Variants in MYO1H observed in about 807,000 individuals in gnomAD.
MYO1H encodes unconventional myosin-Ih.
A neutral mutation model predicts 149.3 loss-of-function variants in MYO1H; 118 were observed. The ratio of observed to expected loss-of-function variants is 0.79; its 90% CI spans 0.68 to 0.92. MYO1H has a LOEUF of 0.92. Ranked by LOEUF, MYO1H falls within the 40% of genes least tolerant of loss-of-function variation. The pLI is 0.00. For synonymous variants in MYO1H, 447 were observed against 465.2 expected, an observed-to-expected ratio of 0.96 and a Z score of 0.50; for missense variants, 1,212 against 1,280.7, an observed-to-expected ratio of 0.95 and a Z score of 0.82.
intron 24 of MYO1H, among the ~76,000 whole-genome samples, chr12:109,440,031 AG>A (rs1872047715): frequency 6.6e-6 from 1 of 151,272 alleles, no homozygotes; most frequent in South Asian, 2.1e-4. Flanking sequence ...TTGTTTAAAC[AG>A]AGCACTTTTT....
chr12:109,441,529 G>C (rs1872127387), intron 25 of MYO1H, 86 bp from the exon 26 acceptor site: 1 of 799,950 alleles, frequency 1.3e-6, no homozygotes. Context: ...ATCCAGCAAA[G>C]GATGTGACCT....
intron 1 of MYO1H, among the ~76,000 whole-genome samples, chr12:109,367,392 C>T (rs1202555204): frequency 6.6e-6 from 1 of 152,130 alleles, no homozygotes; most frequent in Non-Finnish European, 1.5e-5. Flanking sequence ...TCAGGGAATG[C>T]TTCCATCTCC....
intron 3 of MYO1H, among the ~76,000 whole-genome samples, chr12:109,394,378 G>T (rs1869802912): frequency 6.6e-6 from 1 of 152,184 alleles, no homozygotes; most frequent in Non-Finnish European, 1.5e-5. Flanking sequence ...AGTTTCTAGA[G>T]CCATTTCACA....
chr12:109,380,993 TAGAATC>T (rs1160659263), intron 1 of MYO1H, among the ~76,000 whole-genome samples: 2 of 152,116 alleles, frequency 1.3e-5, no homozygotes, highest in Admixed American at 1.3e-4. Flanking sequence ...ATTAAATTGA[TAGAATC>T]AGAATAAACT....
chr12:109,346,959 A>G (rs2048104545), upstream of MYO1H, among the ~76,000 whole-genome samples: 1 of 152,174 alleles, frequency 6.6e-6, no homozygotes, highest in African/African-American at 2.4e-5. Context: ...GTGTCCAAAG[A>G]ATTATTAGCA....
chr12:109,388,560 G>A (rs1471973335), intron 1 of MYO1H, 123 bp from the exon 2 acceptor site: 4 of 820,382 alleles, frequency 4.9e-6, no homozygotes, highest in Admixed American at 6.3e-5. Context: ...AAGTGAAGAC[G>A]GCATAATTTA....
At chr12:109,373,322 T>G (rs1869025197) in intron 1 of MYO1H, among the ~76,000 whole-genome samples, 1 of 152,150 alleles carries the variant, frequency 6.6e-6, no homozygotes, top group Non-Finnish European at 1.5e-5. Context: ...TGCTAGCTTT[T>G]GAGACATAGC....
intron 24 of MYO1H, chr12:109,440,533 C>A: frequency 1.9e-6 from 1 of 536,154 alleles, no homozygotes; most frequent in Non-Finnish European, 3.4e-6. Context: ...GAGTCATAAA[C>A]ATATTCAAGT....
intron 18 of MYO1H, among the ~76,000 whole-genome samples, chr12:109,427,101 A>G (rs1027758501): frequency 2.0e-5 from 3 of 152,080 alleles, no homozygotes; most frequent in Admixed American, 1.3e-4. Flanking sequence ...GGATCACCTA[A>G]GGTCAAGAGT....
At chr12:109,347,787 T>A (rs1350708219), upstream of MYO1H, 1 of 393,150 alleles carries the variant, frequency 2.5e-6, no homozygotes, top group African/African-American at 2.1e-5. Flanking sequence ...GGCCATAAGA[T>A]GCAGTTTCTG....
chr12:109,348,087 G>A (rs759590251), intron 1 of MYO1H, 115 bp downstream of exon 1: 33 of 398,542 alleles, frequency 8.3e-5, no homozygotes, highest in South Asian at 2.6e-4. Flanking sequence ...AGAACTGGGC[G>A]TGTGAATAAG....
At chr12:109,357,907 A>G (rs377577348) in intron 1 of MYO1H, among the ~76,000 whole-genome samples, 13 of 152,030 alleles carry the variant, frequency 8.6e-5, no homozygotes, top group Non-Finnish European at 1.8e-4. Context: ...TTTTCTCCCA[A>G]CCATTTAAAA....
intron 1 of MYO1H, among the ~76,000 whole-genome samples, chr12:109,377,791 A>G (rs1347518591): frequency 6.6e-6 from 1 of 152,218 alleles, no homozygotes; most frequent in African/African-American, 2.4e-5. Flanking sequence ...ATGTCATGCA[A>G]CCAATAAGCT....
chr12:109,420,687 C>T (rs572413579), intron 15 of MYO1H, among the ~76,000 whole-genome samples: 1 of 152,240 alleles, frequency 6.6e-6, no homozygotes, highest in South Asian at 2.1e-4. Flanking sequence ...GGCGAGGGCA[C>T]AGACCCAAAC....
chr12:109,410,220 C>T (rs1247292077), intron 12 of MYO1H, among the ~76,000 whole-genome samples, 152 bp downstream of exon 12: 4 of 152,108 alleles, frequency 2.6e-5, no homozygotes, highest in Non-Finnish European at 5.9e-5. Flanking sequence ...TGACTGGTTG[C>T]AACCTCCACC....
the MYO1H span, among the ~76,000 whole-genome samples, chr12:109,338,535 A>G: frequency 1.3e-5 from 2 of 152,146 alleles, no homozygotes; most frequent in African/African-American, 4.8e-5. Flanking sequence ...TGGAGGGCCA[A>G]GAAGGGCAGA....
intron 1 of MYO1H, among the ~76,000 whole-genome samples, chr12:109,388,009 C>G (rs1441631204): frequency 6.6e-6 from 1 of 152,182 alleles, no homozygotes; most frequent in Non-Finnish European, 1.5e-5. Flanking sequence ...GTAGCCACAC[C>G]TTCTCCAGTG....
chr12:109,382,199 T>C (rs1869217904), intron 1 of MYO1H, among the ~76,000 whole-genome samples: 1 of 152,220 alleles, frequency 6.6e-6, no homozygotes, highest in African/African-American at 2.4e-5. Context: ...ATGCTGCCTA[T>C]GAAGTCTTTT....
chr12:109,371,432 G>T (rs777117609), intron 1 of MYO1H, among the ~76,000 whole-genome samples: 6 of 151,846 alleles, frequency 4.0e-5, no homozygotes, highest in African/African-American at 9.7e-5. Flanking sequence ...TGCCCAGGCT[G>T]GTCTCAAACT....
Sources: gnomAD v4.1 joint callset for allele counts (sites outside exome capture counted in the v4.1 genomes callset) on GRCh38, gnomAD v4.1.1 for gene constraint, MANE v1.5 for transcripts, NCBI Gene and HGNC (gene_info 2026-07-23, HGNC 2026-07-21) for gene names.